DRC7: variants seen among roughly 807,000 people sequenced by gnomAD.
DRC7 encodes the protein dynein regulatory complex subunit 7.
In DRC7, 80 loss-of-function variants were observed where a neutral mutation model predicts 104.4. That is an observed-to-expected ratio of 0.77 (90% CI 0.64 to 0.92). DRC7 has a LOEUF of 0.92. Among genes scored for constraint, DRC7 ranks in the 40% least tolerant of loss-of-function variants. The pLI, the probability that DRC7 is intolerant of heterozygous loss-of-function variation, is 0.00. For missense variants in DRC7, 1,034 were observed against 1,141.1 expected, an observed-to-expected ratio of 0.91 and a Z score of 1.35; for synonymous variants, 405 against 447.3, an observed-to-expected ratio of 0.91 and a Z score of 1.19.
At chr16:57,729,845 GAC>G (rs2049034155) in intron 17 of DRC7, among the ~76,000 whole-genome samples, 1 of 140,910 alleles carries the variant, frequency 7.1e-6, no homozygotes, top group Admixed American at 7.1e-5. Context: ...TGGGTGGATG[GAC>G]GAATGGATGG....
intron 9 of DRC7, among the ~76,000 whole-genome samples, chr16:57,719,167 T>C (rs1237703776): frequency 6.6e-6 from 1 of 152,122 alleles, no homozygotes; most frequent in Admixed American, 6.5e-5. Flanking sequence ...CTGAATGTCG[T>C]TGGCCAGGGC....
In DRC7 at chr16:57,722,804, C is replaced by A; in HGVS notation, c.1371C>A (p.Gly457=). Residue 457 remains glycine (G), a synonymous_variant, in exon 11 of 19, where the codon GGC becomes GGA. Coordinates refer to ENST00000360716, the MANE Select transcript of DRC7 (RefSeq NM_001289162.2). ...EKWAPYLNSN[G]LVSRLTTYED... ...GGGCCCCGTACCTCAATAGCAATGG[C>A]CTTGTGAGCCGCCTCACCACCTATG... 6.2e-7 allele frequency: 1 copy of A among 1,613,854 alleles called. No homozygotes were observed.
intron 8 of DRC7, among the ~76,000 whole-genome samples, chr16:57,713,235 T>C (rs554277331): frequency 2.8e-4 from 42 of 152,368 alleles, no homozygotes; most frequent in Non-Finnish European, 5.1e-4. Context: ...GTTCTATAAA[T>C]GTCAATAATC....
intron 6 of DRC7, 82 bp from the exon 7 acceptor site, chr16:57,704,794 T>G (rs1297934567): frequency 2.0e-6 from 3 of 1,523,182 alleles, no homozygotes; most frequent in Non-Finnish European, 2.7e-6. Context: ...AGGGACTGGC[T>G]GGGCGGGTCT....
chr16:57,702,219 G>A (rs1198601545), intron 6 of DRC7, 89 bp downstream of exon 6: 12 of 1,396,758 alleles, frequency 8.6e-6, no homozygotes, highest in East Asian at 4.7e-5. Context: ...CATCACTGCC[G>A]CCTCATCCCC....
intron 2 of DRC7, 154 bp from the exon 3 acceptor site, chr16:57,697,759 A>G (rs1280061886): frequency 8.9e-6 from 7 of 782,444 alleles, no homozygotes; most frequent in South Asian, 3.6e-5. Context: ...GACTTTCTCC[A>G]TGTTTGAAAG....
At chr16:57,711,966 A>G (rs1425816146) in intron 8 of DRC7, among the ~76,000 whole-genome samples, 2 of 152,222 alleles carry the variant, frequency 1.3e-5, no homozygotes, top group African/African-American at 4.8e-5. Flanking sequence ...GGAGCAGTTT[A>G]GGGAGGGTCA....
In DRC7 at chr16:57,697,836, G is replaced by C. The variant is rs147449337; in HGVS notation, c.-37-77G>C. ...CTCAAAACCATCTCCCAGGCCTCCCGGGGATGCCCAGATGGTGTTGGTGGC... is the reference window on the plus strand; with the variant it reads ...CTCAAAACCATCTCCCAGGCCTCCCCGGGATGCCCAGATGGTGTTGGTGGC... On this transcript the variant is annotated intron_variant, in intron 2 of 18. Transcript: ENST00000360716. The C allele has an allele frequency of 2.4e-3, 3,623 of 1,492,468 alleles. 79 individuals are homozygous for C. The African/African-American group carries it at 0.045, about 19-fold the overall frequency. The allele number at this position is 1,492,468 out of a possible 1,614,324, so 92.5% of individuals were successfully genotyped here. A position where few individuals can be genotyped will look rare whatever the true frequency, so the allele number is the denominator to read the frequency against.
chr16:57,718,259 G>A (rs555494324), intron 8 of DRC7, 88 bp from the exon 9 acceptor site: 47 of 1,527,560 alleles, frequency 3.1e-5, no homozygotes, highest in African/African-American at 1.5e-4. Context: ...TCTCTGCCCC[G>A]GAGTAGCCAT....
rs1369993035 is a variant in DRC7 at position 57,726,136 on chromosome 16, T to A, written c.1827T>A (p.Phe609Leu). The part of the protein sequence containing the change: ...PAEEDVAERV[F>L]LVAEERIQLR... The stretch of plus-strand genomic sequence containing the variant: ...AGGAGGACGTGGCAGAGCGCGTGTT[T>A]CTGGTCGCGGAGGAGCGCATCCAGC... The change falls in exon 14 of 19, where the codon TTT becomes TTA. Residue 609 changes from phenylalanine (F) to leucine (L), a missense_variant. Physicochemically the swap from Phe to Leu is conservative, Grantham distance 22 (BLOSUM62 0). Coordinates refer to ENST00000360716, the MANE Select transcript of DRC7 (RefSeq NM_001289162.2). The A allele has an allele frequency of 6.2e-7, 1 of 1,613,200 alleles. No individual in the cohort carries two copies. The highest frequency in any genetic ancestry group is 2.2e-5 in the East Asian group (1 of 44,886).
chr16:57,700,174 A>G lies in DRC7; in HGVS notation c.408A>G (p.Thr136=). Residue 136 remains threonine, a synonymous_variant, in exon 5 of 19, where the codon ACA becomes ACG. Coordinates refer to ENST00000360716, the MANE Select transcript of DRC7 (RefSeq NM_001289162.2). The part of the protein sequence containing the change: ...PKFVSTTLRP[T]LMPYPELYNW... The stretch of plus-strand genomic sequence containing the variant: ...TCGTGAGCACAACCCTCCGGCCCAC[A>G]CTGATGCCCTACCCCGAGCTCTACA... The G allele has an allele frequency of 1.2e-6, 2 of 1,612,860 alleles. No homozygotes were observed. The highest frequency in any genetic ancestry group is 1.7e-6 in the Non-Finnish European group (2 of 1,179,612).
rs200848049 is a variant in DRC7 at position 57,701,919 on chromosome 16, C to T, written c.505-17C>T. On this transcript the variant is annotated splice_polypyrimidine_tract_variant and intron_variant, in intron 5 of 18. Coordinates refer to ENST00000360716, the MANE Select transcript of DRC7 (RefSeq NM_001289162.2). ...GCAGCGGGGCCCCAGCTGTGCTGAC[C>T]GTCCCACTGTGACCAGCCCTCGCAC... 1.5e-5 allele frequency: 24 copies of T among 1,608,136 alleles called. No individual in the cohort carries two copies. The highest frequency in any genetic ancestry group is 6.6e-5 in the South Asian group (6 of 90,618).
At chr16:57,726,728 G>A (rs1382474753) in intron 14 of DRC7, 104 bp from the exon 15 acceptor site, 2 of 659,040 alleles carry the variant, frequency 3.0e-6, no homozygotes, top group Non-Finnish European at 5.5e-6. Flanking sequence ...CAACTTGCTC[G>A]AGGTCACACA....
Position 57,723,067 on chromosome 16 carries a change from A to G in DRC7, c.1474A>G (p.Ile492Val). ...GGAAGACATGCTGGAGCTGAAACAC[A>G]TAAACAAGACCACAGACCTGAAGAC... ...NREDMLELKH[I>V]NKTTDLKTDY... The change falls in exon 12 of 19, where the codon ATA (isoleucine) becomes GTA (valine). Residue 492 changes from isoleucine to valine, a missense_variant. Transcript: ENST00000360716. The G allele has an allele frequency of 6.2e-7, 1 of 1,613,910 alleles. No homozygotes were observed. The highest frequency in any genetic ancestry group is 1.3e-5 in the African/African-American group (1 of 75,028).
Position 57,730,985 on chromosome 16 carries a change from C to T in DRC7, c.2446C>T (p.Leu816=), listed in dbSNP as rs1456683299. Reference sequence around the variant, plus strand: ...GTGGTACCAGGAGAACCAGGTGACGCTGACACCCGAGGATGAAGACCTGTA... The same window carrying T: ...GTGGTACCAGGAGAACCAGGTGACGTTGACACCCGAGGATGAAGACCTGTA... ...QQWYQENQVT[L]TPEDEDLYLS... is the part of the protein sequence containing the mutation. Residue 816 remains leucine (L), a synonymous_variant, in exon 18 of 19, where the codon CTG becomes TTG. Transcript: ENST00000360716. 6.2e-7 allele frequency: 1 copy of T among 1,613,508 alleles called. No individual in the cohort carries two copies. The highest frequency in any genetic ancestry group is 1.3e-5 in the African/African-American group (1 of 74,928).
Position 57,731,673 on chromosome 16 carries a change from A to C in DRC7, c.*415A>C. The C allele has an allele frequency of 5.4e-6, 1 of 184,808 alleles. No homozygotes were observed. The highest frequency in any genetic ancestry group is 1.1e-5 in the Non-Finnish European group (1 of 88,708). The allele number at this position is 184,808 out of a possible 1,614,324, so 11.4% of individuals were successfully genotyped here. A position where few individuals can be genotyped will look rare whatever the true frequency, so the allele number is the denominator to read the frequency against. On this transcript the variant is annotated 3_prime_UTR_variant, in exon 19 of 19. Transcript: ENST00000360716. ...TGTGACTAGGGTGGCCCACCTCACC[A>C]AGTGGGATGGGGAAGGCTAAGATGC...
rs75635837 is a variant in DRC7, at chr16:57,707,690, G to T, written c.1077+12G>T. The T allele has an allele frequency of 3.1e-6, 5 of 1,610,682 alleles. No individual in the cohort carries two copies. Among genetic ancestry groups the T allele is most frequent in the African/African-American group, 1.3e-5 (1 of 74,868 alleles). ...GGAACTGCTGCAAGGTGCCTAGGGA[G>T]GGGGAGCTGGGTGGGTGTGGCAGGC... is the stretch of plus-strand genomic sequence containing the variant. On this transcript the variant is annotated intron_variant, in intron 8 of 18. Coordinates refer to ENST00000360716, the MANE Select transcript of DRC7 (RefSeq NM_001289162.2).
chr16:57,698,273 GA>G (rs1394159071), intron 3 of DRC7, 121 bp downstream of exon 3: 5 of 1,443,012 alleles, frequency 3.5e-6, no homozygotes, highest in Non-Finnish European at 4.7e-6. Context: ...AAGCAGTTAT[GA>G]GTGAAGGCTT....
At chr16:57,724,391 A>T (rs372553073) in intron 12 of DRC7, among the ~76,000 whole-genome samples, 1 of 152,232 alleles carries the variant, frequency 6.6e-6, no homozygotes, top group South Asian at 2.1e-4. Context: ...ATAATGGACA[A>T]GAACAAAAAA....
Sources: allele counts gnomAD v4.1 joint callset (sites outside exome capture counted in the v4.1 genomes callset), GRCh38; gene constraint gnomAD v4.1.1; transcripts MANE v1.5; gene names NCBI Gene and HGNC (gene_info 2026-07-23, HGNC 2026-07-21).